B3GAT2: variants seen among roughly 807,000 people sequenced by gnomAD.
B3GAT2 encodes the protein beta-1,3-glucuronyltransferase 2.
Under a neutral mutation model 27.8 loss-of-function variants are expected in B3GAT2, and 26 were observed. The ratio of observed to expected loss-of-function variants is 0.93; its 90% confidence interval spans 0.68 to 1.30. B3GAT2 has a LOEUF of 1.30. Ranked by LOEUF, B3GAT2 falls within the 50% of genes most tolerant of loss-of-function variation. B3GAT2 has a pLI of 0.00. For missense variants in B3GAT2, 458 were observed against 459.0 expected (o/e 1.00, Z 0.02); for synonymous variants, 218 against 195.1 (o/e 1.12, Z -0.98).
chr6:70,860,136 C>CATTTTTTCAT lies in B3GAT2; in HGVS notation c.*1526_*1527insATGAAAAAAT. 6.7e-7 allele frequency: 1 copy of CATTTTTTCAT among 1,499,760 alleles called. No individual in the cohort carries two copies. Among genetic ancestry groups the CATTTTTTCAT allele is most frequent in the Middle Eastern group, 1.8e-4 (1 of 5,572 alleles). 92.9% of individuals were successfully genotyped at this position (1,499,760 alleles called of 1,614,324 possible). On this transcript the variant is annotated 3_prime_UTR_variant, in exon 4 of 4. Coordinates refer to ENST00000230053, the MANE Select transcript of B3GAT2 (RefSeq NM_080742.3). ...AATGAAAAAATGACCAACTGTGTGG[C>CATTTTTTCAT]TAAAGAAACAAGAATTAAAAGTGAA...
chr6:70,946,997 A>T (rs1262164234), intron 1 of B3GAT2, among the ~76,000 whole-genome samples: 3 of 152,198 alleles, frequency 2.0e-5, no homozygotes, highest in African/African-American at 4.8e-5. Context: ...TACATAACGA[A>T]ATGAAGGCAG....
intron 1 of B3GAT2, among the ~76,000 whole-genome samples, chr6:70,897,584 C>T (rs546006699): frequency 6.7e-6 from 1 of 148,326 alleles, no homozygotes; most frequent in South Asian, 2.1e-4. Context: ...ACTAAAAATA[C>T]AAAAATTAGC....
chr6:70,877,902 G>C (rs967681401), intron 2 of B3GAT2, among the ~76,000 whole-genome samples: 1 of 152,180 alleles, frequency 6.6e-6, no homozygotes, highest in Non-Finnish European at 1.5e-5. Context: ...CAGGGACCAG[G>C]CTTCTGAGCA....
chr6:70,894,073 AC>A, intron 2 of B3GAT2, 54 bp downstream of exon 2: 1 of 1,467,542 alleles, frequency 6.8e-7, no homozygotes, highest in Non-Finnish European at 9.1e-7. Flanking sequence ...ATCGTTATAA[AC>A]AAGAGCATAA....
In B3GAT2 at chr6:70,941,840, T is replaced by C. The variant is rs568479703; in HGVS notation, c.591+13999A>G. Among the ~76,000 whole-genome samples, 21 of 152,318 alleles carry C rather than the reference T, an allele frequency of 1.4e-4. No homozygotes were observed. In the South Asian group the frequency reaches 4.4e-3, roughly 32 times the overall value. ...TAAGCATTCACTGCATGCTAGGCAC[T>C]GCTCTGGACACTACAGATACAACAG... On this transcript the variant is annotated intron_variant, in intron 1 of 3. Coordinates refer to ENST00000230053, the MANE Select transcript of B3GAT2 (RefSeq NM_080742.3).
chr6:70,876,946 G>T (rs577552630), intron 2 of B3GAT2, among the ~76,000 whole-genome samples: 12 of 152,260 alleles, frequency 7.9e-5, no homozygotes, highest in African/African-American at 2.9e-4. Context: ...AATCTGAGAG[G>T]GACTTTGAAG....
intron 1 of B3GAT2, among the ~76,000 whole-genome samples, chr6:70,895,495 ATTTTTTTTTTTT>A (rs59066944): frequency 6.5e-5 from 5 of 76,612 alleles, no homozygotes; most frequent in African/African-American, 2.4e-4. Context: ...CAAAAAGGGG[ATTTTTTTTTTTT>A]TTTTTTTTTT....
rs1771595261 is a variant in B3GAT2, at chr6:70,859,386, A to G, written c.*2277T>C. On this transcript the variant is annotated 3_prime_UTR_variant, in exon 4 of 4. Transcript: ENST00000230053. Reference sequence around the variant, plus strand: ...CTCCATCAGTGCAATCTACTGGCCAATGACAAGGTGGTTAAAATGTCCTTT... The same window carrying G: ...CTCCATCAGTGCAATCTACTGGCCAGTGACAAGGTGGTTAAAATGTCCTTT... 6.5e-7 allele frequency: 1 copy of G among 1,549,300 alleles called. No individual in the cohort carries two copies. The highest frequency in any genetic ancestry group is 1.4e-5 in the African/African-American group (1 of 73,014).
intron 2 of B3GAT2, among the ~76,000 whole-genome samples, chr6:70,892,119 C>T (rs1230668642): frequency 6.6e-6 from 1 of 152,206 alleles, no homozygotes; most frequent in East Asian, 1.9e-4. Context: ...ATAATGAATA[C>T]AGAGCAAGGA....
At chr6:70,954,319 C>A (rs1765616897) in intron 1 of B3GAT2, among the ~76,000 whole-genome samples, 1 of 152,042 alleles carries the variant, frequency 6.6e-6, no homozygotes, top group African/African-American at 2.4e-5. Context: ...CCATACTATA[C>A]AATGCCAAGC....
At chr6:70,868,409 T>C (rs1771885570) in intron 2 of B3GAT2, among the ~76,000 whole-genome samples, 1 of 152,216 alleles carries the variant, frequency 6.6e-6, no homozygotes, top group South Asian at 2.1e-4. Context: ...ACAGTATCAA[T>C]AGTGCTTCTC....
chr6:70,950,234 AT>A (rs1765557658), intron 1 of B3GAT2, among the ~76,000 whole-genome samples: 1 of 151,728 alleles, frequency 6.6e-6, no homozygotes, highest in Non-Finnish European at 1.5e-5. Context: ...ATAAAGAAAT[AT>A]CCAGGAAGAT....
At chr6:70,925,109 A>G (rs1464616628) in intron 1 of B3GAT2, among the ~76,000 whole-genome samples, 1 of 152,174 alleles carries the variant, frequency 6.6e-6, no homozygotes, top group African/African-American at 2.4e-5. Context: ...CCAACCAATC[A>G]GCAGCACTCA....
chr6:70,948,038 T>C (rs1765520933), intron 1 of B3GAT2, among the ~76,000 whole-genome samples: 1 of 152,002 alleles, frequency 6.6e-6, no homozygotes, highest in Admixed American at 6.6e-5. Context: ...CAACCCTTCA[T>C]GCTAAAAATT....
Position 70,856,900 on chromosome 6 carries a change from A to G in B3GAT2, c.*4763T>C. ...CAGCAGCTGCAACCCTGTCTACAGT[A>G]ACATCTGGGGATCTAGATTTATTCA... On this transcript the variant is annotated 3_prime_UTR_variant, in exon 4 of 4. Coordinates refer to ENST00000230053, the MANE Select transcript of B3GAT2 (RefSeq NM_080742.3). The G allele has an allele frequency of 6.2e-7, 1 of 1,613,826 alleles. No individual in the cohort carries two copies. Among genetic ancestry groups the G allele is most frequent in the South Asian group, 1.1e-5 (1 of 91,038 alleles).
At chr6:70,928,188 T>C (rs1006988745) in intron 1 of B3GAT2, among the ~76,000 whole-genome samples, 1 of 151,712 alleles carries the variant, frequency 6.6e-6, no homozygotes, top group Admixed American at 6.6e-5. Context: ...CAAAGCAGTG[T>C]GTAGAGGGAA....
intron 2 of B3GAT2, among the ~76,000 whole-genome samples, chr6:70,893,039 ATG>A (rs1247897356): frequency 6.6e-6 from 1 of 152,102 alleles, no homozygotes; most frequent in African/African-American, 2.4e-5. Context: ...TGCTGTGGAG[ATG>A]TGTGTTAAAT....
intron 1 of B3GAT2, among the ~76,000 whole-genome samples, chr6:70,951,938 T>G (rs12214127): frequency 3.3e-5 from 5 of 151,846 alleles, no homozygotes; most frequent in Admixed American, 2.6e-4. Context: ...ATAAAGTAAA[T>G]GTACCAAGGG....
intron 1 of B3GAT2, among the ~76,000 whole-genome samples, chr6:70,896,410 C>T (rs116805016): frequency 2.5e-4 from 38 of 152,226 alleles, no homozygotes; most frequent in Middle Eastern, 3.4e-3. Context: ...GAATAAAATG[C>T]GCTTTTTAAA....
Sources: gnomAD v4.1 joint callset for allele counts (sites outside exome capture counted in the v4.1 genomes callset) on GRCh38, gnomAD v4.1.1 for gene constraint, MANE v1.5 for transcripts, NCBI Gene and HGNC (gene_info 2026-07-23, HGNC 2026-07-21) for gene names.